RAB6A: variants seen among roughly 807,000 people sequenced by gnomAD.
RAB6A encodes ras-related protein Rab-6A.
In RAB6A, 8 loss-of-function variants were observed where a neutral mutation model predicts 32.3. The observed-to-expected ratio is 0.25, with a 90% CI of 0.15 to 0.45. The LOEUF (loss-of-function observed/expected upper bound fraction) is 0.45. Ranked by LOEUF, RAB6A falls within the 20% of genes least tolerant of loss-of-function variation. RAB6A has a pLI of 1.00. For synonymous variants in RAB6A, 73 were observed against 82.1 expected (o/e 0.89, Z 0.60); for missense variants, 104 against 249.4 (o/e 0.42, Z 3.93).
chr11:73,759,881 C>G (rs1310500091), intron 1 of RAB6A, among the ~76,000 whole-genome samples: 1 of 152,152 alleles, frequency 6.6e-6, no homozygotes, highest in Non-Finnish European at 1.5e-5. Flanking sequence ...AAGCCACAGC[C>G]CCATCTAACC....
chr11:73,708,904 A>G (rs1168953667), intron 5 of RAB6A, among the ~76,000 whole-genome samples: 1 of 152,230 alleles, frequency 6.6e-6, no homozygotes, highest in Non-Finnish European at 1.5e-5. Flanking sequence ...CTTGCCTACA[A>G]GAAATTATTA....
At chr11:73,713,741 G>C (rs1044142612) in intron 5 of RAB6A, among the ~76,000 whole-genome samples, 33 of 152,030 alleles carry the variant, frequency 2.2e-4, no homozygotes, top group Non-Finnish European at 3.5e-4. Context: ...AAAAAATTAA[G>C]TCTTTTACCC....
At chr11:73,732,387 C>A (rs1946329168) in intron 1 of RAB6A, among the ~76,000 whole-genome samples, 1 of 151,982 alleles carries the variant, frequency 6.6e-6, no homozygotes, top group Non-Finnish European at 1.5e-5. Flanking sequence ...GAGATTGAGA[C>A]CATCCTGGCT....
intron 2 of RAB6A, chr11:73,729,726 T>C (rs1172239048): frequency 6.6e-6 from 1 of 152,250 alleles, no homozygotes; most frequent in Non-Finnish European, 1.5e-5. Flanking sequence ...TAAACTCACC[T>C]TTGAGTACTC....
intron 1 of RAB6A, among the ~76,000 whole-genome samples, chr11:73,742,483 C>T (rs1294906111): frequency 6.6e-6 from 1 of 151,478 alleles, no homozygotes; most frequent in African/African-American, 2.4e-5. Flanking sequence ...AAGAAAGATA[C>T]ATAATGGTAA....
At chr11:73,748,428 A>C (rs1022304050) in intron 1 of RAB6A, among the ~76,000 whole-genome samples, 3 of 152,168 alleles carry the variant, frequency 2.0e-5, no homozygotes, top group Non-Finnish European at 4.4e-5. Flanking sequence ...AAAATAACGC[A>C]CTTTTCCTAA....
intron 6 of RAB6A, among the ~76,000 whole-genome samples, chr11:73,690,122 A>G (rs1765554361): frequency 6.6e-6 from 1 of 152,346 alleles, no homozygotes; most frequent in South Asian, 2.1e-4. Context: ...AAGCCCAGAA[A>G]GAAACTCTAC....
chr11:73,755,878 G>A (rs1565382988), intron 1 of RAB6A, among the ~76,000 whole-genome samples: 2 of 151,536 alleles, frequency 1.3e-5, no homozygotes, highest in African/African-American at 4.9e-5. Flanking sequence ...AGAACAAGAG[G>A]AGGAGGAGAA....
intron 1 of RAB6A, among the ~76,000 whole-genome samples, chr11:73,757,779 C>A (rs191577619): frequency 6.6e-6 from 1 of 152,086 alleles, no homozygotes; most frequent in African/African-American, 2.4e-5. Context: ...CTATCAATTG[C>A]GTAACCATGT....
At chr11:73,735,166 C>G (rs1946375080) in intron 1 of RAB6A, among the ~76,000 whole-genome samples, 1 of 152,168 alleles carries the variant, frequency 6.6e-6, no homozygotes. Flanking sequence ...ATTACACACT[C>G]TTGCAATTCT....
At chr11:73,731,034 A>G (rs1407012621) in intron 1 of RAB6A, among the ~76,000 whole-genome samples, 1 of 152,218 alleles carries the variant, frequency 6.6e-6, no homozygotes, top group East Asian at 1.9e-4. Context: ...ACAGGTAAAC[A>G]GTCTATAGTT....
At chr11:73,680,598 G>A (rs1289227365) in intron 6 of RAB6A, among the ~76,000 whole-genome samples, 1 of 151,574 alleles carries the variant, frequency 6.6e-6, no homozygotes, top group Non-Finnish European at 1.5e-5. Flanking sequence ...GTTGCAGTGA[G>A]CCAAGATCAC....
intron 1 of RAB6A, among the ~76,000 whole-genome samples, chr11:73,738,991 G>A (rs1946445923): frequency 1.3e-5 from 2 of 150,196 alleles, no homozygotes; most frequent in East Asian, 4.0e-4. Flanking sequence ...ATTGGGGCTG[G>A]GCACAGTGGC....
Position 73,755,902 on chromosome 11 carries a change from G to GAAGAAGAGGAGGAGGAGA in RAB6A, c.70+4646_70+4663dup, listed in dbSNP as rs1007168029. On this transcript the variant is annotated intron_variant, in intron 1 of 7. Coordinates refer to ENST00000336083, the MANE Select transcript of RAB6A (RefSeq NM_198896.2). ...GGAGGAGGAGAAGGAAGAGGAGGAG[G>GAAGAAGAGGAGGAGGAGA]AAGAAGAGGAGGAGGAGAAAGAAGA... Among the ~76,000 whole-genome samples, 17 of 151,040 alleles carry GAAGAAGAGGAGGAGGAGA rather than the reference G, an allele frequency of 1.1e-4. 1 individual carries two copies. The highest frequency in any genetic ancestry group is 2.5e-4 in the Non-Finnish European group (17 of 67,720).
At chr11:73,680,879 TCAA>T (rs1945345768) in intron 6 of RAB6A, among the ~76,000 whole-genome samples, 1 of 152,230 alleles carries the variant, frequency 6.6e-6, no homozygotes, top group African/African-American at 2.4e-5. Flanking sequence ...AAAGTTATCT[TCAA>T]CAGGAGAAAC....
Position 73,676,921 on chromosome 11 carries a change from A to G in RAB6A, c.*977T>C, listed in dbSNP as rs1945277020. On this transcript the variant is annotated 3_prime_UTR_variant, in exon 8 of 8. Transcript: ENST00000336083. ...TTCTGGAAGGAATTAAAACTTTTAC[A>G]GTGCCTTGCCTGCACAGTATTATGT... 6.0e-6 allele frequency: 1 copy of G among 166,886 alleles called. No individual in the cohort carries two copies. Among genetic ancestry groups the G allele is most frequent in the Admixed American group, 6.5e-5 (1 of 15,294 alleles). 10.3% of individuals were successfully genotyped at this position (166,886 alleles called of 1,614,324 possible).
intron 3 of RAB6A, 188 bp from the exon 4 acceptor site, chr11:73,718,906 A>C: frequency 6.4e-7 from 1 of 1,568,578 alleles, no homozygotes; most frequent in Non-Finnish European, 8.6e-7. Context: ...AGATGGGAAA[A>C]AATAAATAAA....
intron 7 of RAB6A, among the ~76,000 whole-genome samples, chr11:73,678,405 T>TC (rs1013419838): frequency 6.6e-6 from 1 of 152,076 alleles, no homozygotes; most frequent in Non-Finnish European, 1.5e-5. Context: ...ACACCTGAGG[T>TC]CAGGAGTTCA....
At chr11:73,699,380 T>C (rs1945705776) in intron 6 of RAB6A, among the ~76,000 whole-genome samples, 1 of 152,154 alleles carries the variant, frequency 6.6e-6, no homozygotes, top group Non-Finnish European at 1.5e-5. Context: ...CATCTCAGGC[T>C]CTCTCAGGCT....
Sources: allele counts gnomAD v4.1 joint callset (sites outside exome capture counted in the v4.1 genomes callset), GRCh38; gene constraint gnomAD v4.1.1; transcripts MANE v1.5; gene names NCBI Gene and HGNC (gene_info 2026-07-23, HGNC 2026-07-21).